ANK2: variants seen among roughly 807,000 people sequenced by gnomAD.
ANK2 encodes ankyrin 2, also known as ankyrin-2.
Under a neutral mutation model 360.5 loss-of-function variants are expected in ANK2, and 83 were observed. That is an observed-to-expected ratio of 0.23 (90% CI 0.19 to 0.28). The LOEUF is 0.28. ANK2 is among the 10% of genes least tolerant of loss of function. The probability of loss-of-function intolerance (pLI) is 1.00; values close to 1 mark genes in which losing one functional copy is unlikely to be tolerated. For missense variants in ANK2, 4,201 were observed against 4,795.7 expected (o/e 0.88, Z 3.66); for synonymous variants, 1,740 against 1,759.5 (o/e 0.99, Z 0.28).
chr4:113,356,936 A>G lies in ANK2; in HGVS notation c.8318A>G (p.Asp2773Gly). 6.2e-7 allele frequency: 1 copy of G among 1,614,074 alleles called. No individual in the cohort carries two copies. The highest frequency in any genetic ancestry group is 8.5e-7 in the Non-Finnish European group (1 of 1,179,974). Reference protein sequence around the residue: ...NRDTDQPKICDGHGCEAMSPS... With the variant: ...NRDTDQPKICGGHGCEAMSPS... ...GACACTGATCAGCCAAAAATCTGTG[A>G]TGGCCATGGATGTGAGGCCATGAGT... Residue 2773 changes from aspartate (D) to glycine (G), a missense_variant, in exon 38 of 46, where the codon GAT (aspartate) becomes GGT (glycine). Physicochemically the swap from Asp to Gly is moderately conservative, Grantham distance 94. This residue lies in a region of ANK2 where 2,642 missense variants were observed against 2,714.5 expected (regional missense o/e 0.97). Coordinates refer to ENST00000357077, the MANE Select transcript of ANK2 (RefSeq NM_001148.6).
intron 2 of ANK2, among the ~76,000 whole-genome samples, chr4:112,980,896 G>T (rs994611141): frequency 1.3e-5 from 2 of 152,214 alleles, no homozygotes. Context: ...AAAAATATGT[G>T]TAGCAAATTG....
At chr4:112,797,594 CT>C in the ANK2 span, 1 of 164,094 alleles carries the variant, frequency 6.1e-6, no homozygotes. Flanking sequence ...TTTAATACAC[CT>C]TTTTAAATAC....
At chr4:113,349,364 C>T (rs1563959326) in intron 36 of ANK2, among the ~76,000 whole-genome samples, 1 of 151,974 alleles carries the variant, frequency 6.6e-6, no homozygotes, top group African/African-American at 2.4e-5. Context: ...TACTAGTTTT[C>T]TTTTTTTAAA....
chr4:112,877,451 G>C (rs1180117789), intron 1 of ANK2, among the ~76,000 whole-genome samples: 2 of 152,170 alleles, frequency 1.3e-5, no homozygotes, highest in Non-Finnish European at 2.9e-5. Context: ...CAGGGCTCAA[G>C]TGATCCTCAC....
At chr4:113,079,943 G>C (rs2081675173) in intron 1 of ANK2, among the ~76,000 whole-genome samples, 1 of 148,942 alleles carries the variant, frequency 6.7e-6, no homozygotes, top group Admixed American at 6.7e-5. Context: ...CTGTTGCCCA[G>C]GCTGGAGTGT....
At chr4:112,992,931 T>G (rs2047310236) in intron 2 of ANK2, among the ~76,000 whole-genome samples, 1 of 152,218 alleles carries the variant, frequency 6.6e-6, no homozygotes, top group Non-Finnish European at 1.5e-5. Flanking sequence ...ATGTGTTATA[T>G]CTGAAAGTTT....
intron 43 of ANK2, among the ~76,000 whole-genome samples, chr4:113,370,123 A>G (rs1253832261): frequency 6.6e-6 from 1 of 152,326 alleles, no homozygotes; most frequent in East Asian, 1.9e-4. Flanking sequence ...AAACTTGGGC[A>G]TGAAACCTGG....
At chr4:112,816,664 C>T (rs1487777987), upstream of ANK2, among the ~76,000 whole-genome samples, 2 of 151,944 alleles carry the variant, frequency 1.3e-5, no homozygotes, top group East Asian at 1.9e-4. Flanking sequence ...TTATAGGAAA[C>T]AGCTAATTAT....
intron 1 of ANK2, among the ~76,000 whole-genome samples, chr4:113,147,494 G>A (rs1050298635): frequency 6.6e-6 from 1 of 152,160 alleles, no homozygotes; most frequent in African/African-American, 2.4e-5. Context: ...TTCTGCTAAA[G>A]GTTTTATAGA....
At chr4:112,724,930 A>C in the ANK2 span, among the ~76,000 whole-genome samples, 2 of 152,198 alleles carry the variant, frequency 1.3e-5, no homozygotes, top group Non-Finnish European at 1.5e-5. Flanking sequence ...TGTCAGAAGA[A>C]TGGATACACG....
intron 1 of ANK2, among the ~76,000 whole-genome samples, chr4:113,134,668 T>C (rs1032330501): frequency 2.6e-5 from 4 of 152,166 alleles, no homozygotes; most frequent in African/African-American, 7.2e-5. Context: ...TTCAGTAAAA[T>C]TGACATTTTA....
intron 4 of ANK2, among the ~76,000 whole-genome samples, chr4:113,223,696 G>A (rs779318540): frequency 6.6e-5 from 10 of 152,150 alleles, no homozygotes; most frequent in Non-Finnish European, 1.2e-4. Flanking sequence ...GCCAGATTAT[G>A]TAAGACTGTA....
chr4:113,018,921 T>G (rs2057353236), intron 2 of ANK2, among the ~76,000 whole-genome samples: 1 of 152,236 alleles, frequency 6.6e-6, no homozygotes. Flanking sequence ...AATATGCTTT[T>G]TATCTAATTT....
intron 28 of ANK2, 37 bp downstream of exon 28, chr4:113,332,107 C>G: frequency 6.6e-7 from 1 of 1,520,500 alleles, no homozygotes; most frequent in Non-Finnish European, 9.1e-7. Flanking sequence ...GGCTGCTGGC[C>G]CCCCATTCTT....
intron 1 of ANK2, among the ~76,000 whole-genome samples, chr4:113,110,418 G>A (rs924215254): frequency 6.6e-6 from 1 of 152,120 alleles, no homozygotes; most frequent in Non-Finnish European, 1.5e-5. Flanking sequence ...AAGAAACAAG[G>A]AATCCCTAGC....
At chr4:112,802,316 T>C in the ANK2 span, among the ~76,000 whole-genome samples, 1 of 152,176 alleles carries the variant, frequency 6.6e-6, no homozygotes, top group African/African-American at 2.4e-5. Flanking sequence ...ATTAATGAAT[T>C]AGAGATATTT....
At chr4:113,260,809 A>C (rs1421233741) in intron 13 of ANK2, among the ~76,000 whole-genome samples, 3 of 152,198 alleles carry the variant, frequency 2.0e-5, no homozygotes, top group Non-Finnish European at 4.4e-5. Context: ...ATGAGGATAT[A>C]GCTACTGGAT....
intron 1 of ANK2, among the ~76,000 whole-genome samples, chr4:113,095,404 A>G (rs1199052646): frequency 6.6e-6 from 1 of 152,144 alleles, no homozygotes; most frequent in Non-Finnish European, 1.5e-5. Flanking sequence ...TATATGAGTA[A>G]AAATTGTTAC....
intron 2 of ANK2, among the ~76,000 whole-genome samples, chr4:112,977,323 A>G (rs1381593965): frequency 6.6e-6 from 1 of 152,090 alleles, no homozygotes; most frequent in Non-Finnish European, 1.5e-5. Context: ...AGCAGGGTAC[A>G]TTTTTATTCC....
Sources: allele counts gnomAD v4.1 joint callset (sites outside exome capture counted in the v4.1 genomes callset), GRCh38; gene constraint gnomAD v4.1.1; regional missense constraint gnomAD v4.1.1; transcripts MANE v1.5; gene names NCBI Gene and HGNC (gene_info 2026-07-23, HGNC 2026-07-21).